RANBP2: variants seen among roughly 807,000 people sequenced by gnomAD.
RANBP2 encodes RAN binding protein 2.
In RANBP2, 57 loss-of-function variants were observed where a neutral mutation model predicts 303.6. That is an observed-to-expected ratio of 0.19 (90% CI 0.15 to 0.23). The LOEUF (loss-of-function observed/expected upper bound fraction) is 0.23. Among genes scored for constraint, RANBP2 ranks in the 10% least tolerant of loss-of-function variants. The pLI, the probability that RANBP2 is intolerant of heterozygous loss-of-function variation, is 1.00. For synonymous variants in RANBP2, 1,167 were observed against 1,301.5 expected, an observed-to-expected ratio of 0.90 and a Z score of 2.23; for missense variants, 3,138 against 3,780.8, an observed-to-expected ratio of 0.83 and a Z score of 4.46.
At position 108,759,392 on chromosome 2, in the gene RANBP2, A is replaced by G. The variant is rs1438607105; in HGVS notation, c.2602+844A>G. ...CACTCCGGTGGTGTAACTCCAAAGC[A>G]CTTGCCAGTATAATACATTGCTCCC... On this transcript the variant is annotated intron_variant, in intron 18 of 28. Coordinates refer to ENST00000283195, the MANE Select transcript of RANBP2 (RefSeq NM_006267.5). Among the ~76,000 whole-genome samples, 6 of 152,342 alleles carry G rather than the reference A, an allele frequency of 3.9e-5. No individual in the cohort carries two copies. In the East Asian group the frequency reaches 7.7e-4, roughly 20 times the overall value.
chr2:109,548,597 G>A, the RANBP2 span, among the ~76,000 whole-genome samples: 1 of 151,976 alleles, frequency 6.6e-6, no homozygotes, highest in Non-Finnish European at 1.5e-5. Flanking sequence ...GCAACACGGG[G>A]AAACCCCGTC....
chr2:108,793,682 C>T, the RANBP2 span, among the ~76,000 whole-genome samples: 1 of 151,612 alleles, frequency 6.6e-6, no homozygotes, highest in East Asian at 2.0e-4. Flanking sequence ...CTGTAAGCTC[C>T]GCCTCCCGGA....
the RANBP2 span, among the ~76,000 whole-genome samples, chr2:108,965,889 C>G: frequency 6.6e-6 from 1 of 152,026 alleles, no homozygotes; most frequent in Non-Finnish European, 1.5e-5. Context: ...CCCTCTCCCC[C>G]CAGGCAAAGA....
At chr2:109,084,965 T>C in the RANBP2 span, among the ~76,000 whole-genome samples, 6 of 152,212 alleles carry the variant, frequency 3.9e-5, no homozygotes, top group African/African-American at 1.4e-4. Flanking sequence ...TCTCTGTTGA[T>C]AACACCTGAG....
chr2:109,280,660 A>G, the RANBP2 span, among the ~76,000 whole-genome samples: 1 of 152,256 alleles, frequency 6.6e-6, no homozygotes, highest in Non-Finnish European at 1.5e-5. Flanking sequence ...TTTTGAGAGC[A>G]TTCGGGTAAT....
the RANBP2 span, among the ~76,000 whole-genome samples, chr2:109,018,059 A>G: frequency 6.6e-6 from 1 of 152,218 alleles, no homozygotes; most frequent in Non-Finnish European, 1.5e-5. Context: ...ATGCCTGCTC[A>G]GAAAAGGGAG....
At chr2:108,728,691 G>C (rs1364106922) in intron 1 of RANBP2, among the ~76,000 whole-genome samples, 1 of 151,934 alleles carries the variant, frequency 6.6e-6, no homozygotes, top group Admixed American at 6.6e-5. Context: ...GCAATGGCAC[G>C]ATCTCAGCTC....
chr2:108,753,178 G>A lies in RANBP2; in HGVS notation c.1917+19G>A. 6.2e-7 allele frequency: 1 copy of A among 1,611,340 alleles called. No homozygotes were observed. Among genetic ancestry groups the A allele is most frequent in the African/African-American group, 1.3e-5 (1 of 74,916 alleles). On this transcript the variant is annotated intron_variant, in intron 13 of 28. Coordinates refer to ENST00000283195, the MANE Select transcript of RANBP2 (RefSeq NM_006267.5). ...CATTCAGGTAACAGAGTTCCTTTAT[G>A]AATTTATTGGAGATGGGAATTTCCA...
chr2:109,521,809 T>C, the RANBP2 span, among the ~76,000 whole-genome samples: 6 of 152,194 alleles, frequency 3.9e-5, no homozygotes, highest in Non-Finnish European at 5.9e-5. Context: ...TTTGACACTT[T>C]AATTACAGAT....
At chr2:109,104,718 C>G in the RANBP2 span, among the ~76,000 whole-genome samples, 1 of 152,096 alleles carries the variant, frequency 6.6e-6, no homozygotes. Context: ...CTCCTGACCT[C>G]GTGATCCGCC....
chr2:108,773,269 C>T (rs1210236586), intron 23 of RANBP2, among the ~76,000 whole-genome samples: 1 of 152,084 alleles, frequency 6.6e-6, no homozygotes, highest in Non-Finnish European at 1.5e-5. Flanking sequence ...AGGTGCCTGC[C>T]ACCACGCCTG....
chr2:108,893,575 A>C, the RANBP2 span, among the ~76,000 whole-genome samples: 1 of 151,882 alleles, frequency 6.6e-6, no homozygotes, highest in Non-Finnish European at 1.5e-5. Flanking sequence ...AGAATTATAA[A>C]GGAGTCACTT....
the RANBP2 span, among the ~76,000 whole-genome samples, chr2:109,410,702 A>T: frequency 3.3e-5 from 5 of 152,220 alleles, no homozygotes; most frequent in Non-Finnish European, 5.9e-5. Flanking sequence ...GCCTAGGCCA[A>T]ATCCTGGCAG....
the RANBP2 span, among the ~76,000 whole-genome samples, chr2:109,276,200 C>T: frequency 2.6e-5 from 4 of 152,200 alleles, no homozygotes; most frequent in Admixed American, 2.6e-4. Flanking sequence ...CCAGCGTTCT[C>T]CCACATCACC....
the RANBP2 span, among the ~76,000 whole-genome samples, chr2:109,710,398 G>A: frequency 5.8e-5 from 8 of 137,894 alleles, no homozygotes; most frequent in Admixed American, 3.6e-4. Context: ...AAAAAAAAGT[G>A]ATTTACTCTA....
chr2:109,574,553 G>C, the RANBP2 span: 134,371 of 1,375,566 alleles, frequency 0.098, 7,459 homozygotes, highest in African/African-American at 0.24. Context: ...ATTAAAGTAT[G>C]GTAAGTTGAT....
At chr2:109,680,886 T>C in the RANBP2 span, among the ~76,000 whole-genome samples, 1 of 152,236 alleles carries the variant, frequency 6.6e-6, no homozygotes, top group Non-Finnish European at 1.5e-5. Flanking sequence ...GCTGGAAATA[T>C]AAATTCCACT....
At chr2:108,956,687 AT>A in the RANBP2 span, among the ~76,000 whole-genome samples, 1 of 152,064 alleles carries the variant, frequency 6.6e-6, no homozygotes, top group African/African-American at 2.4e-5. Flanking sequence ...TGCTGAAAAT[AT>A]TTGGGTTATG....
At chr2:108,829,475 G>T in the RANBP2 span, among the ~76,000 whole-genome samples, 1 of 152,210 alleles carries the variant, frequency 6.6e-6, no homozygotes, top group Admixed American at 6.5e-5. Flanking sequence ...AATAAACATG[G>T]TGGCCCATGC....
Sources: allele counts gnomAD v4.1 joint callset (sites outside exome capture counted in the v4.1 genomes callset), GRCh38; gene constraint gnomAD v4.1.1; transcripts MANE v1.5; gene names NCBI Gene and HGNC (gene_info 2026-07-23, HGNC 2026-07-21).